CUBN: variants seen among roughly 807,000 people sequenced by gnomAD.
CUBN encodes the protein cubilin.
Under a neutral mutation model 405.3 loss-of-function variants are expected in CUBN, and 282 were observed. That is an observed-to-expected ratio of 0.70 (90% CI 0.63 to 0.77). The LOEUF (loss-of-function observed/expected upper bound fraction) is 0.77. CUBN is among the 30% of genes least tolerant of loss of function. The pLI is 0.00. For missense variants in CUBN, 4,514 were observed against 4,475.2 expected (o/e 1.01, Z -0.25); for synonymous variants, 1,684 against 1,617.0 (o/e 1.04, Z -0.99).
intron 22 of CUBN, among the ~76,000 whole-genome samples, chr10:17,053,336 C>T (rs920263923): frequency 1.3e-5 from 2 of 151,280 alleles, no homozygotes; most frequent in Non-Finnish European, 2.9e-5. Flanking sequence ...ATAATGATGC[C>T]ATTATATATA....
At chr10:16,974,042 C>A (rs1469488477) in intron 31 of CUBN, among the ~76,000 whole-genome samples, 1 of 152,158 alleles carries the variant, frequency 6.6e-6, no homozygotes, top group Non-Finnish European at 1.5e-5. Flanking sequence ...AAATGAACCT[C>A]CCCCAAAACA....
At chr10:16,949,631 G>A (rs1842877808) in intron 34 of CUBN, among the ~76,000 whole-genome samples, 2 of 151,704 alleles carry the variant, frequency 1.3e-5, no homozygotes. Context: ...CTAAGGACAA[G>A]GCTGAAAGAA....
intron 59 of CUBN, among the ~76,000 whole-genome samples, chr10:16,867,224 G>A (rs1359639966): frequency 2.0e-5 from 3 of 151,976 alleles, no homozygotes; most frequent in South Asian, 2.1e-4. Flanking sequence ...GGTCCACAAA[G>A]TTGATTTCCC....
intron 28 of CUBN, among the ~76,000 whole-genome samples, chr10:17,014,105 A>T (rs1359607943): frequency 1.3e-5 from 2 of 152,146 alleles, no homozygotes; most frequent in Non-Finnish European, 2.9e-5. Context: ...TTTGGCACCT[A>T]GTATGCCATT....
chr10:17,110,929 G>A lies in CUBN; in HGVS notation c.1005C>T (p.Ala335=), dbSNP rs2131308698. Residue 335 remains alanine (A), a synonymous_variant, in exon 9 of 67, where the codon GCC becomes GCT. Coordinates refer to ENST00000377833, the MANE Select transcript of CUBN (RefSeq NM_001081.4). ...GAACCGAGGCAGCACCTGGTGGACA[G>A]GCCTGGCAGTGGGAAGACCCAGGTG... ...VNTPGSSHCQ[A]CPPGYQGDGR... is the part of the protein sequence containing the mutation. 3.7e-6 allele frequency: 6 copies of A among 1,614,240 alleles called. No homozygotes were observed. The highest frequency in any genetic ancestry group is 5.1e-6 in the Non-Finnish European group (6 of 1,180,040).
chr10:16,957,235 T>C (rs1843089724), intron 31 of CUBN, among the ~76,000 whole-genome samples: 1 of 152,192 alleles, frequency 6.6e-6, no homozygotes, highest in Non-Finnish European at 1.5e-5. Context: ...TTCTACCCTG[T>C]ACTTGTGCGA....
At chr10:16,883,056 G>GAAGGA (rs1009900733) in intron 56 of CUBN, among the ~76,000 whole-genome samples, 6 of 151,282 alleles carry the variant, frequency 4.0e-5, no homozygotes, top group African/African-American at 1.2e-4. Flanking sequence ...AAGAAGGAAG[G>GAAGGA]AAGGAAAGGA....
chr10:16,916,096 C>T, intron 45 of CUBN, 66 bp from the exon 46 acceptor site: 2 of 1,531,908 alleles, frequency 1.3e-6, no homozygotes, highest in Non-Finnish European at 1.8e-6. Flanking sequence ...GATTCTATTA[C>T]AAATTTTGTT....
At chr10:17,095,286 T>A (rs896913139) in intron 14 of CUBN, among the ~76,000 whole-genome samples, 14 of 151,892 alleles carry the variant, frequency 9.2e-5, no homozygotes, top group Non-Finnish European at 1.5e-4. Context: ...GGCCTAAAAC[T>A]GAAGAACCAA....
chr10:16,958,391 TG>T (rs1843129432), intron 31 of CUBN, among the ~76,000 whole-genome samples: 1 of 152,132 alleles, frequency 6.6e-6, no homozygotes, highest in Admixed American at 6.5e-5. Context: ...CCAGGCATGG[TG>T]GTGGGCACCT....
rs1462934373 is a variant in CUBN at position 17,109,643 on chromosome 10, G to C, written c.1108C>G (p.Leu370Val). The C allele has an allele frequency of 2.5e-6, 4 of 1,612,870 alleles. No homozygotes were observed. The highest frequency in any genetic ancestry group is 2.2e-5 in the South Asian group (2 of 91,054). ...CHPDASCSST[L>V]GSLPLCTCLP... is the part of the protein sequence containing the mutation. ...AAAGAGAGAGATGAGTCATTACCTA[G>C]AGTTGAGGAGCATGAGGCATCTGGG... Residue 370 changes from leucine to valine, a missense_variant, in exon 10 of 67, where the codon CTA becomes GTA. By Grantham distance (32) the Leu-to-Val change is conservative. Around this residue, in one of 5 missense-constraint regions of CUBN, gnomAD observed 1,448 missense variants for 1,388.0 expected, o/e 1.04. Coordinates refer to ENST00000377833, the MANE Select transcript of CUBN (RefSeq NM_001081.4).
chr10:16,923,873 A>G (rs977148292), intron 43 of CUBN, among the ~76,000 whole-genome samples: 29 of 152,136 alleles, frequency 1.9e-4, no homozygotes, highest in African/African-American at 7.0e-4. Flanking sequence ...GGAATTCAAG[A>G]CCAGCCTGGG....
chr10:17,071,767 G>A, intron 18 of CUBN, 60 bp downstream of exon 18: 2 of 1,565,900 alleles, frequency 1.3e-6, no homozygotes, highest in Non-Finnish European at 1.8e-6. Context: ...AAATTATTTT[G>A]AAGAATTAAA....
Position 16,942,131 on chromosome 10 carries a change from C to T in CUBN, c.5343-1894G>A, listed in dbSNP as rs150781823. Reference sequence around the variant, plus strand: ...CAGTCAGATATCATTCCACACCCATCATAAGGGCTAAAATTAAAAGGCTGA... The same window carrying T: ...CAGTCAGATATCATTCCACACCCATTATAAGGGCTAAAATTAAAAGGCTGA... On this transcript the variant is annotated intron_variant, in intron 36 of 66. Transcript: ENST00000377833. Among the ~76,000 whole-genome samples, 70 of 152,248 alleles carry T rather than the reference C, an allele frequency of 4.6e-4. No homozygotes were observed. The Middle Eastern group carries it at 0.01, about 22-fold the overall frequency.
intron 54 of CUBN, among the ~76,000 whole-genome samples, chr10:16,897,078 T>G (rs1588628990): frequency 1.3e-5 from 2 of 152,260 alleles, no homozygotes; most frequent in Admixed American, 1.3e-4. Context: ...TCGTCAGTGA[T>G]TGTTGAAGCA....
chr10:17,060,862 C>A (rs1408758190), intron 22 of CUBN, among the ~76,000 whole-genome samples: 1 of 151,906 alleles, frequency 6.6e-6, no homozygotes, highest in Admixed American at 6.6e-5. Context: ...ACCAGCCTGA[C>A]CAACACGGTG....
intron 14 of CUBN, among the ~76,000 whole-genome samples, chr10:17,095,064 G>A (rs1015733928): frequency 3.3e-5 from 5 of 151,932 alleles, no homozygotes; most frequent in African/African-American, 1.2e-4. Context: ...CAGATATCTA[G>A]ACCTATGGAA....
intron 36 of CUBN, among the ~76,000 whole-genome samples, chr10:16,946,187 C>T (rs10904847): frequency 0.23 from 34,398 of 152,046 alleles, 6,770 homozygotes; most frequent in African/African-American, 0.53. Context: ...AATTTAAATT[C>T]CAGGATCTTA....
At chr10:16,901,918 T>TATATATATATATACAC (rs1236540013) in intron 51 of CUBN, among the ~76,000 whole-genome samples, 80 of 109,888 alleles carry the variant, frequency 7.3e-4, no homozygotes, top group South Asian at 1.7e-3. Flanking sequence ...TATATATATA[T>TATATATATATATACAC]ACACACACAC....
Sources: allele counts gnomAD v4.1 joint callset (sites outside exome capture counted in the v4.1 genomes callset), GRCh38; gene constraint gnomAD v4.1.1; regional missense constraint gnomAD v4.1.1; transcripts MANE v1.5; gene names NCBI Gene and HGNC (gene_info 2026-07-23, HGNC 2026-07-21).